Variants in MACC1 observed in about 807,000 individuals in gnomAD.
MACC1 encodes metastasis-associated in colon cancer protein 1.
MACC1 carries 79 observed loss-of-function variants against 70.7 expected under a neutral mutation model. The ratio of observed to expected loss-of-function variants is 1.12; its 90% CI spans 0.93 to 1.35. The LOEUF is 1.35. Ranked by LOEUF, MACC1 falls within the 40% of genes most tolerant of loss-of-function variation. The pLI is 0.00. For missense variants in MACC1, 1,106 were observed against 978.1 expected (o/e 1.13, Z -1.74); for synonymous variants, 361 against 347.2 (o/e 1.04, Z -0.44).
intron 1 of MACC1, among the ~76,000 whole-genome samples, chr7:20,186,680 A>G (rs985601324): frequency 1.3e-5 from 2 of 152,102 alleles, no homozygotes; most frequent in Non-Finnish European, 2.9e-5. Flanking sequence ...AAAAAGGAAG[A>G]ATGAACTTAT....
At chr7:20,171,783 T>A (rs1160286052) in intron 1 of MACC1, among the ~76,000 whole-genome samples, 1 of 152,114 alleles carries the variant, frequency 6.6e-6, no homozygotes, top group African/African-American at 2.4e-5. Flanking sequence ...GGTTTCACCA[T>A]ATAGGTCAAG....
At chr7:20,141,256 A>G in intron 6 of MACC1, 98 bp from the exon 7 acceptor site, 2 of 731,352 alleles carry the variant, frequency 2.7e-6, no homozygotes, top group Non-Finnish European at 4.3e-6. Context: ...AAGATTTAAG[A>G]TAAAACGGAA....
intron 2 of MACC1, among the ~76,000 whole-genome samples, chr7:20,168,694 C>G (rs1207283785): frequency 6.6e-6 from 1 of 152,188 alleles, no homozygotes; most frequent in Non-Finnish European, 1.5e-5. Context: ...GTGGGCCCAG[C>G]TAGACAGCTA....
intron 1 of MACC1, among the ~76,000 whole-genome samples, chr7:20,207,638 A>C (rs556695350): frequency 4.6e-5 from 7 of 152,310 alleles, no homozygotes; most frequent in Admixed American, 4.6e-4. Context: ...AACAAATATT[A>C]GGGGAAAAAA....
intron 1 of MACC1, among the ~76,000 whole-genome samples, chr7:20,185,649 T>C (rs934510248): frequency 6.6e-6 from 1 of 151,932 alleles, no homozygotes; most frequent in Non-Finnish European, 1.5e-5. Context: ...TATGAGAAAA[T>C]AAAGAAATTG....
In MACC1 at chr7:20,177,723, G is replaced by GT. The variant is rs758740704; in HGVS notation, c.-217-6946dup. On this transcript the variant is annotated intron_variant, in intron 1 of 6. Transcript: ENST00000400331. Reference sequence around the variant, plus strand: ...ATTTCAGAATTTAGCTGCCTTTGTTGTTTTTTTTTTTTTGGTATTATATAA... The same window carrying GT: ...ATTTCAGAATTTAGCTGCCTTTGTTGTTTTTTTTTTTTTTGGTATTATATAA... 3.0e-3 allele frequency among the ~76,000 whole-genome samples: 105 copies of GT among 34,804 alleles called. 1 individual carries two copies. The highest frequency in any genetic ancestry group is 0.026 in the Middle Eastern group (2 of 78). 22.8% of individuals were successfully genotyped at this position (34,804 alleles called of 152,430 possible). A position where few individuals can be genotyped will look rare whatever the true frequency, so the allele number is the denominator to read the frequency against.
chr7:20,171,382 G>T (rs1562590686), intron 1 of MACC1, among the ~76,000 whole-genome samples: 1 of 151,452 alleles, frequency 6.6e-6, no homozygotes, highest in Non-Finnish European at 1.5e-5. Context: ...CTCCTGAGTA[G>T]CTGGGACTAC....
At chr7:20,205,897 A>T (rs1036953285) in intron 1 of MACC1, among the ~76,000 whole-genome samples, 1 of 151,838 alleles carries the variant, frequency 6.6e-6, no homozygotes, top group African/African-American at 2.4e-5. Context: ...CACTGACCCT[A>T]CCCTCAGGCA....
rs1782589474 is a variant in MACC1 at position 20,186,393 on chromosome 7, A to G, written c.-217-15615T>C. Reference sequence around the variant, plus strand: ...CTCATACTAAGTAATTAAAAATTACAGTATTGTTATAATCACCAAAACAAT... The same window carrying G: ...CTCATACTAAGTAATTAAAAATTACGGTATTGTTATAATCACCAAAACAAT... On this transcript the variant is annotated intron_variant, in intron 1 of 6. Coordinates refer to ENST00000400331, the MANE Select transcript of MACC1 (RefSeq NM_182762.4). 6.6e-5 allele frequency among the ~76,000 whole-genome samples: 10 copies of G among 152,272 alleles called. 2 individuals carry two copies. In the South Asian group the frequency reaches 2.1e-3, roughly 32 times the overall value.
chr7:20,186,636 T>C (rs1782592399), intron 1 of MACC1, among the ~76,000 whole-genome samples: 1 of 152,018 alleles, frequency 6.6e-6, no homozygotes, highest in Admixed American at 6.6e-5. Context: ...TCTAAGGAAT[T>C]AGTTTGAGGA....
chr7:20,205,425 C>T (rs971182354), intron 1 of MACC1, among the ~76,000 whole-genome samples: 5 of 152,190 alleles, frequency 3.3e-5, no homozygotes, highest in African/African-American at 1.2e-4. Context: ...CTTGATCCTG[C>T]TTGATCTGTG....
intron 1 of MACC1, among the ~76,000 whole-genome samples, chr7:20,174,187 T>C (rs1369835550): frequency 6.6e-6 from 1 of 152,154 alleles, no homozygotes; most frequent in Non-Finnish European, 1.5e-5. Flanking sequence ...AATTAAATGA[T>C]AATGCAATAT....
rs535703374 is a variant in MACC1, at chr7:20,138,152, C to CAAAAAAAAAAAAAAAAAA, written c.*2776_*2793dup. 2 of 67,868 alleles carry CAAAAAAAAAAAAAAAAAA rather than the reference C, an allele frequency of 2.9e-5. No homozygotes were observed. Among genetic ancestry groups the CAAAAAAAAAAAAAAAAAA allele is most frequent in the African/African-American group, 9.0e-5 (2 of 22,158 alleles). The allele number at this position is 67,868 out of a possible 1,614,324, so 4.2% of individuals were successfully genotyped here. Reference sequence around the variant, plus strand: ...TGGGCAACAGAGCCAGACTCTGGCTCAAAAAAAAAAAAAAAAAAAAAAAAA... The same window carrying CAAAAAAAAAAAAAAAAAA: ...TGGGCAACAGAGCCAGACTCTGGCTCAAAAAAAAAAAAAAAAAAAAAAAAAAAAAAAAAAAAAAAAAAA... On this transcript the variant is annotated 3_prime_UTR_variant, in exon 7 of 7. Transcript: ENST00000400331.
intron 4 of MACC1, among the ~76,000 whole-genome samples, chr7:20,160,869 G>C (rs1463106594): frequency 2.6e-5 from 4 of 151,840 alleles, no homozygotes; most frequent in African/African-American, 7.3e-5. Flanking sequence ...CATTTTTCAG[G>C]AAAAGGAATT....
rs1278896012 is a variant in MACC1, at chr7:20,164,277, G to A, written c.-30C>T. 1 of 152,128 alleles carries A rather than the reference G, an allele frequency of 6.6e-6. No homozygotes were observed. The highest frequency in any genetic ancestry group is 1.5e-5 in the Non-Finnish European group (1 of 68,024). 9.4% of individuals were successfully genotyped at this position (152,128 alleles called of 1,614,324 possible). A position where few individuals can be genotyped will look rare whatever the true frequency, so the allele number is the denominator to read the frequency against. ...TTACTTTTTGTTCTCCTTTGTGTGTGTTGACCACATCTCGTTCACCTGTGA... is the reference window on the plus strand; with the variant it reads ...TTACTTTTTGTTCTCCTTTGTGTGTATTGACCACATCTCGTTCACCTGTGA... On this transcript the variant is annotated 5_prime_UTR_variant, in exon 3 of 7. Transcript: ENST00000400331.
At chr7:20,161,481 A>T (rs1782138240) in intron 4 of MACC1, among the ~76,000 whole-genome samples, 2 of 152,132 alleles carry the variant, frequency 1.3e-5, no homozygotes, top group Middle Eastern at 3.4e-3. Context: ...ATCAACCTTC[A>T]GAGAGCCTTT....
At chr7:20,195,666 C>T (rs1264971225) in intron 1 of MACC1, among the ~76,000 whole-genome samples, 3 of 152,162 alleles carry the variant, frequency 2.0e-5, no homozygotes, top group Non-Finnish European at 4.4e-5. Flanking sequence ...GTTTTTTCAT[C>T]AGGAGAATGT....
At chr7:20,203,031 T>C (rs1562601951) in intron 1 of MACC1, among the ~76,000 whole-genome samples, 1 of 152,238 alleles carries the variant, frequency 6.6e-6, no homozygotes, top group South Asian at 2.1e-4. Flanking sequence ...TGTCCACCAC[T>C]GTGCTTTTAA....
chr7:20,170,926 T>C (rs949363223), intron 1 of MACC1, 148 bp from the exon 2 acceptor site: 5 of 152,348 alleles, frequency 3.3e-5, no homozygotes, highest in Non-Finnish European at 5.9e-5. Flanking sequence ...CACCACACCA[T>C]CCAATTCATA....
Sources: gnomAD v4.1 joint callset for allele counts (sites outside exome capture counted in the v4.1 genomes callset) on GRCh38, gnomAD v4.1.1 for gene constraint, MANE v1.5 for transcripts, NCBI Gene and HGNC (gene_info 2026-07-23, HGNC 2026-07-21) for gene names.